Variants in PHACTR3 observed in about 807,000 individuals in gnomAD.
PHACTR3 encodes the protein protein phosphatase 1, regulatory subunit 123.
Under a neutral mutation model 66.8 loss-of-function variants are expected in PHACTR3, and 16 were observed. The ratio of observed to expected loss-of-function variants is 0.24; its 90% CI spans 0.16 to 0.36. The LOEUF is 0.36. Among genes scored for constraint, PHACTR3 ranks in the 10% least tolerant of loss-of-function variants. The pLI, the probability that PHACTR3 is intolerant of heterozygous loss-of-function variation, is 1.00. For missense variants in PHACTR3, 647 were observed against 719.9 expected, an observed-to-expected ratio of 0.90 and a Z score of 1.16; for synonymous variants, 323 against 292.1, an observed-to-expected ratio of 1.11 and a Z score of -1.08.
chr20:59,755,495 T>A, intron 4 of PHACTR3, 131 bp downstream of exon 4: 1 of 1,056,348 alleles, frequency 9.5e-7, no homozygotes, highest in Non-Finnish European at 1.3e-6. Flanking sequence ...GCCCGTGCTC[T>A]AAGCGCTGCC....
At chr20:59,771,539 C>G (rs564410719) in intron 5 of PHACTR3, among the ~76,000 whole-genome samples, 6 of 152,068 alleles carry the variant, frequency 3.9e-5, no homozygotes, top group Non-Finnish European at 7.4e-5. Flanking sequence ...CACCTCCCCC[C>G]GACCAGCCCA....
chr20:59,582,374 C>T (rs566897452), intron 1 of PHACTR3, among the ~76,000 whole-genome samples: 3 of 152,334 alleles, frequency 2.0e-5, no homozygotes, highest in East Asian at 1.9e-4. Flanking sequence ...CCTCTCAGAT[C>T]CTGTCACAGG....
intron 8 of PHACTR3, among the ~76,000 whole-genome samples, chr20:59,835,653 A>G (rs944014174): frequency 6.6e-6 from 1 of 152,192 alleles, no homozygotes; most frequent in African/African-American, 2.4e-5. Context: ...CTTGGCATTA[A>G]TTTTGGATGA....
intron 8 of PHACTR3, among the ~76,000 whole-genome samples, chr20:59,834,407 C>T (rs1225564780): frequency 1.3e-5 from 2 of 152,200 alleles, no homozygotes; most frequent in Admixed American, 1.3e-4. Flanking sequence ...GACTCAGATA[C>T]ATTCAGAAGC....
chr20:59,648,104 A>C (rs1894551666), intron 1 of PHACTR3, among the ~76,000 whole-genome samples: 2 of 152,216 alleles, frequency 1.3e-5, no homozygotes, highest in South Asian at 4.1e-4. Flanking sequence ...TCACCATCAA[A>C]GGTATTTATT....
At chr20:59,825,833 G>A (rs2042174791) in intron 8 of PHACTR3, among the ~76,000 whole-genome samples, 2 of 152,186 alleles carry the variant, frequency 1.3e-5, no homozygotes, top group African/African-American at 4.8e-5. Flanking sequence ...GTCACCCCCA[G>A]TATGATGGTG....
chr20:59,836,445 C>T, intron 8 of PHACTR3, 60 bp from the exon 9 acceptor site: 2 of 1,542,394 alleles, frequency 1.3e-6, no homozygotes, highest in Non-Finnish European at 8.8e-7. Flanking sequence ...TTGCAGACCC[C>T]AGGTGGAATT....
chr20:59,819,676 G>A lies in PHACTR3; in HGVS notation c.1328+13482G>A, dbSNP rs921320384. ...GGTGCTGTCCCAGTACTGGCCACCC[G>A]TCAACTGAGGCACCTGGTTGGGCCA... On this transcript the variant is annotated intron_variant, in intron 8 of 12. Coordinates refer to ENST00000371015, the MANE Select transcript of PHACTR3 (RefSeq NM_080672.5). 5.3e-5 allele frequency among the ~76,000 whole-genome samples: 8 copies of A among 151,778 alleles called. No homozygotes were observed. The East Asian group carries it at 5.8e-4, about 11-fold the overall frequency.
chr20:59,756,811 T>A (rs1025531267), intron 4 of PHACTR3, among the ~76,000 whole-genome samples: 4 of 152,052 alleles, frequency 2.6e-5, no homozygotes, highest in South Asian at 2.1e-4. Context: ...TCCTAATGCT[T>A]TCCCTCCCCC....
rs180814954 is a variant in PHACTR3 at position 59,782,295 on chromosome 20, A to G, written c.1174+7805A>G. Among the ~76,000 whole-genome samples, 72 of 152,228 alleles carry G rather than the reference A, an allele frequency of 4.7e-4. 1 individual carries two copies. The highest frequency in any genetic ancestry group is 2.8e-4 in the Non-Finnish European group (19 of 68,010). On this transcript the variant is annotated intron_variant, in intron 7 of 12. Transcript: ENST00000371015. ...AAGACAGAGTCTTGCTCTGTTGCCC[A>G]GGCTGGAGTATCGTGGCACGATCTT...
At position 59,604,793 on chromosome 20, in the gene PHACTR3, G is replaced by T; in HGVS notation, c.-222G>T. ...AGCGAGGCCGCGCACGCCGGGATGCGCCTGGCTGCAGCCGGCGAGGCTATT... is the reference window on the plus strand; with the variant it reads ...AGCGAGGCCGCGCACGCCGGGATGCTCCTGGCTGCAGCCGGCGAGGCTATT... On this transcript the variant is annotated 5_prime_UTR_variant, in exon 1 of 13. Transcript: ENST00000371015. 8.3e-7 allele frequency: 1 copy of T among 1,199,168 alleles called. No individual in the cohort carries two copies. Among genetic ancestry groups the T allele is most frequent in the African/African-American group, 1.6e-5 (1 of 63,048 alleles). The allele number at this position is 1,199,168 out of a possible 1,614,324, so 74.3% of individuals were successfully genotyped here. A position where few individuals can be genotyped will look rare whatever the true frequency, so the allele number is the denominator to read the frequency against.
intron 1 of PHACTR3, among the ~76,000 whole-genome samples, chr20:59,620,874 C>A (rs1471667962): frequency 6.6e-6 from 1 of 152,146 alleles, no homozygotes; most frequent in Non-Finnish European, 1.5e-5. Context: ...TTAGTGAGTT[C>A]CATTACTCAC....
chr20:59,801,226 C>T (rs954302646), intron 7 of PHACTR3, among the ~76,000 whole-genome samples: 4 of 152,256 alleles, frequency 2.6e-5, no homozygotes, highest in Admixed American at 2.0e-4. Context: ...TCCTGGATTC[C>T]CCCTCCCTGG....
chr20:59,761,220 G>A (rs1284618298), intron 4 of PHACTR3, among the ~76,000 whole-genome samples: 1 of 152,044 alleles, frequency 6.6e-6, no homozygotes, highest in Non-Finnish European at 1.5e-5. Flanking sequence ...AGGGAGGGGT[G>A]CCTCCCTCCC....
chr20:59,823,580 TAA>T (rs1453945026), intron 8 of PHACTR3, among the ~76,000 whole-genome samples: 3 of 152,194 alleles, frequency 2.0e-5, no homozygotes, highest in Non-Finnish European at 4.4e-5. Context: ...TCTACCAACT[TAA>T]GTTATTTTTG....
At chr20:59,809,462 G>A (rs543455629) in intron 8 of PHACTR3, among the ~76,000 whole-genome samples, 4 of 152,224 alleles carry the variant, frequency 2.6e-5, no homozygotes, top group Admixed American at 6.5e-5. Context: ...TATTTTCAGC[G>A]TTTATCAGCT....
chr20:59,776,793 C>T (rs2040555013), intron 7 of PHACTR3, among the ~76,000 whole-genome samples: 1 of 74,010 alleles, frequency 1.4e-5, no homozygotes, highest in South Asian at 4.7e-4. Context: ...AGTTTCTGCA[C>T]TGGAGACGGC....
chr20:59,784,272 G>T (rs6027104), intron 7 of PHACTR3, among the ~76,000 whole-genome samples: 19,232 of 151,714 alleles, frequency 0.13, 2,546 homozygotes, highest in East Asian at 0.39. Flanking sequence ...TAAAATAAAT[G>T]TCTTAAAACA....
rs371772266 is a variant in PHACTR3 at position 59,658,690 on chromosome 20, T to C, written c.118+53558T>C. The stretch of plus-strand genomic sequence containing the variant: ...TGCCTCTGTTGGTATCATACCAAGC[T>C]ATTAGGCTCCACTAACTGCCAAATT... On this transcript the variant is annotated intron_variant, in intron 1 of 12. Transcript: ENST00000371015. 1.9e-4 allele frequency among the ~76,000 whole-genome samples: 29 copies of C among 152,338 alleles called. No individual in the cohort carries two copies. In the East Asian group the frequency reaches 2.5e-3, roughly 13 times the overall value.
Sources: allele counts gnomAD v4.1 joint callset (sites outside exome capture counted in the v4.1 genomes callset), GRCh38; gene constraint gnomAD v4.1.1; transcripts MANE v1.5; gene names NCBI Gene and HGNC (gene_info 2026-07-23, HGNC 2026-07-21).